AHRR: variants seen among roughly 807,000 people sequenced by gnomAD.
AHRR encodes the protein aryl hydrocarbon receptor repressor.
AHRR carries 28 observed loss-of-function variants against 44.0 expected under a neutral mutation model. The observed-to-expected ratio is 0.64, with a 90% CI of 0.47 to 0.87. The LOEUF (loss-of-function observed/expected upper bound fraction) is 0.87. Ranked by LOEUF, AHRR falls within the 40% of genes least tolerant of loss-of-function variation. The pLI, the probability that AHRR is intolerant of heterozygous loss-of-function variation, is 0.00. For missense variants in AHRR, 990 were observed against 953.9 expected, an observed-to-expected ratio of 1.04 and a Z score of -0.50; for synonymous variants, 434 against 407.0, an observed-to-expected ratio of 1.07 and a Z score of -0.80.
rs1735459753 is a variant in AHRR, at chr5:411,318, A to G, written c.352-2026A>G. On this transcript the variant is annotated intron_variant, in intron 4 of 10. Transcript: ENST00000684583. The surrounding 1 kb of genome is among the most constrained non-coding windows in gnomAD (Gnocchi z 4.2). ...TTGTGTGTAATTGGAGGTTTATTACACTTCCTGTGTCCTCATTATGATGCA... is the reference window on the plus strand; with the variant it reads ...TTGTGTGTAATTGGAGGTTTATTACGCTTCCTGTGTCCTCATTATGATGCA... Among the ~76,000 whole-genome samples the G allele has an allele frequency of 6.6e-6, 1 of 151,828 alleles. No individual in the cohort carries two copies. Among genetic ancestry groups the G allele is most frequent in the Non-Finnish European group, 1.5e-5 (1 of 68,004 alleles).
chr5:344,062 C>A, intron 2 of AHRR, 98 bp downstream of exon 2: 2 of 1,326,168 alleles, frequency 1.5e-6, no homozygotes, highest in Non-Finnish European at 2.1e-6. Context: ...ACAGGGCGAG[C>A]GAGGAAGGCT....
At chr5:398,760 C>T (rs1734880421) in intron 4 of AHRR, among the ~76,000 whole-genome samples, 1 of 152,230 alleles carries the variant, frequency 6.6e-6, no homozygotes, top group Non-Finnish European at 1.5e-5. Flanking sequence ...AAGGGCTGGG[C>T]TGGCAGGGCC....
Position 432,975 on chromosome 5 carries a change from G to C in AHRR, c.1112+28G>C, listed in dbSNP as rs530271599. The C allele has an allele frequency of 1.9e-6, 3 of 1,555,808 alleles. No individual in the cohort carries two copies. The South Asian group carries it at 3.7e-5, about 19-fold the overall frequency. ...AAGTGGTGCCAGGCAGCCTCCCCCA[G>C]CCCTGGCAGCTCCCTAAGTCACCGT... is the stretch of plus-strand genomic sequence containing the variant. On this transcript the variant is annotated intron_variant, in intron 10 of 10. Transcript: ENST00000684583.
intron 7 of AHRR, among the ~76,000 whole-genome samples, chr5:426,290 A>T (rs1736384688): frequency 2.0e-5 from 3 of 151,442 alleles, no homozygotes; most frequent in South Asian, 4.2e-4. Flanking sequence ...GGATGAGTGG[A>T]TGGATGGATG....
chr5:377,749 C>T (rs1229980024), intron 4 of AHRR, among the ~76,000 whole-genome samples: 2 of 152,344 alleles, frequency 1.3e-5, no homozygotes, highest in South Asian at 2.1e-4. Flanking sequence ...CCTGGGAAGC[C>T]TGGAGCCTGC....
intron 2 of AHRR, among the ~76,000 whole-genome samples, chr5:344,269 A>AGGCGGC (rs888882314): frequency 1.3e-5 from 2 of 150,714 alleles, no homozygotes; most frequent in African/African-American, 2.4e-5. Flanking sequence ...GCAGAGGCGG[A>AGGCGGC]GGCGGCGGGG....
chr5:335,844 G>A (rs192626600), intron 1 of AHRR, among the ~76,000 whole-genome samples: 21 of 152,358 alleles, frequency 1.4e-4, no homozygotes, highest in South Asian at 8.3e-4. Flanking sequence ...CACAGCTCAA[G>A]ACCAGGCCCC....
intron 4 of AHRR, among the ~76,000 whole-genome samples, chr5:380,761 G>A (rs1477287157): frequency 1.3e-5 from 2 of 152,156 alleles, no homozygotes; most frequent in Non-Finnish European, 2.9e-5. Context: ...TATTAGTCAG[G>A]AGTCTCCAGA....
intron 4 of AHRR, among the ~76,000 whole-genome samples, chr5:410,692 A>C (rs557487312): frequency 6.6e-6 from 1 of 152,136 alleles, no homozygotes; most frequent in Non-Finnish European, 1.5e-5. Flanking sequence ...TTTCTCAGTG[A>C]TGTTGCTTTG....
chr5:421,623 C>T (rs1029389191), intron 5 of AHRR, among the ~76,000 whole-genome samples: 3 of 152,208 alleles, frequency 2.0e-5, no homozygotes, highest in Non-Finnish European at 2.9e-5. Flanking sequence ...GCTGGCGCCG[C>T]CCTTTTCACC....
intron 1 of AHRR, among the ~76,000 whole-genome samples, chr5:328,872 C>T (rs1741818694): frequency 6.6e-6 from 1 of 152,106 alleles, no homozygotes. Context: ...ATTTCTTTTG[C>T]TGTGCAGAAG....
intron 3 of AHRR, among the ~76,000 whole-genome samples, chr5:355,133 A>G (rs1036867532): frequency 6.6e-6 from 1 of 152,202 alleles, no homozygotes; most frequent in African/African-American, 2.4e-5. Flanking sequence ...CTCTGTTCCC[A>G]GCCTGGGCCT....
chr5:323,683 G>A (rs1392942340), intron 1 of AHRR, among the ~76,000 whole-genome samples: 1 of 152,128 alleles, frequency 6.6e-6, no homozygotes, highest in East Asian at 1.9e-4. Context: ...CTGAGACGCC[G>A]GGGGAGGGGG....
chr5:412,713 CTCTT>C (rs1220906625), intron 4 of AHRR, among the ~76,000 whole-genome samples: 3 of 133,272 alleles, frequency 2.3e-5, no homozygotes, highest in Admixed American at 7.8e-5. Context: ...TTCTCTCTCT[CTCTT>C]TTTTTTTTTT....
At chr5:432,254 G>T (rs914527846) in intron 8 of AHRR, 1 of 542,844 alleles carries the variant, frequency 1.8e-6, no homozygotes, top group Non-Finnish European at 3.3e-6. Flanking sequence ...GAAAAGTGAC[G>T]TGACAATATT....
chr5:386,416 A>G (rs1734170004), intron 4 of AHRR, among the ~76,000 whole-genome samples: 1 of 152,248 alleles, frequency 6.6e-6, no homozygotes, highest in Non-Finnish European at 1.5e-5. Flanking sequence ...AGATTATCCA[A>G]GCAGGTTCAC....
intron 3 of AHRR, among the ~76,000 whole-genome samples, chr5:365,123 G>C (rs1353787615): frequency 6.6e-6 from 1 of 151,040 alleles, no homozygotes; most frequent in East Asian, 1.9e-4. Flanking sequence ...TAGAACATTT[G>C]AACAATGCAA....
At chr5:372,192 G>A (rs533687561) in intron 3 of AHRR, among the ~76,000 whole-genome samples, 10 of 151,852 alleles carry the variant, frequency 6.6e-5, no homozygotes, top group Admixed American at 2.0e-4. Context: ...GGCTGGGGTG[G>A]GCTGGCGGGG....
chr5:389,939 AAGGGAGGGAGGGGG>A (rs1734342233), intron 4 of AHRR, among the ~76,000 whole-genome samples: 1 of 36,092 alleles, frequency 2.8e-5, no homozygotes, highest in Non-Finnish European at 5.3e-5. Context: ...GGGGGAGGGG[AAGGGAGGGAGGGGG>A]AGGGGAGACA....
Sources: gnomAD v4.1 joint callset for allele counts (sites outside exome capture counted in the v4.1 genomes callset) on GRCh38, gnomAD v4.1.1 for gene constraint, Gnocchi (gnomAD v3.1) non-coding constraint, MANE v1.5 for transcripts, NCBI Gene and HGNC (gene_info 2026-07-23, HGNC 2026-07-21) for gene names.